The following ASB13 variants were observed in gnomAD, a reference collection of about 807,000 sequenced individuals.
The protein encoded by ASB13 is ankyrin repeat and SOCS box containing 13.
In ASB13, 33 loss-of-function variants were observed where a neutral mutation model predicts 28.8. The ratio of observed to expected loss-of-function variants is 1.15; its 90% CI spans 0.87 to 1.53. The LOEUF (loss-of-function observed/expected upper bound fraction) is 1.53. Among genes scored for constraint, ASB13 ranks in the 40% most tolerant of loss-of-function variants. ASB13 has a pLI of 0.00. For synonymous variants in ASB13, 182 were observed against 172.9 expected, an observed-to-expected ratio of 1.05 and a Z score of -0.41; for missense variants, 414 against 390.1, an observed-to-expected ratio of 1.06 and a Z score of -0.52.
rs564141933 is a variant in ASB13 at position 5,652,566 on chromosome 10, A to T, written c.231+297T>A. On this transcript the variant is annotated intron_variant, in intron 2 of 5. Coordinates refer to ENST00000357700, the MANE Select transcript of ASB13 (RefSeq NM_024701.4). This position sits in a 1 kb window ranked among gnomAD's most constrained non-coding sequence, Gnocchi z 5.0. ...GGGCCCAAGCAGCAGCTCTGCACCC[A>T]GGCCTGGCTGCCCCTGAGAGAGCCT... Among the ~76,000 whole-genome samples the T allele has an allele frequency of 6.6e-6, 1 of 152,270 alleles. No individual in the cohort carries two copies. The highest frequency in any genetic ancestry group is 2.4e-5 in the African/African-American group (1 of 41,538).
In ASB13 at chr10:5,649,011, G is replaced by A. The variant is rs1475210721; in HGVS notation, c.476C>T (p.Ala159Val). The change falls in exon 4 of 6, where the codon GCC (alanine) becomes GTC (valine). Residue 159 changes from alanine to valine, a missense_variant. Physicochemically the swap from Ala to Val is moderately conservative, Grantham distance 64. Coordinates refer to ENST00000357700, the MANE Select transcript of ASB13 (RefSeq NM_024701.4). This position sits in a 1 kb window ranked among gnomAD's most constrained non-coding sequence, Gnocchi z 6.4. ...TTTGACACAGTCCAGATGCTCCCGG[G>A]CACAGGCAACGTGCAGAGGGGTCCC... ...HFGTPLHVAC[A>V]REHLDCVKVL... is the part of the protein sequence containing the mutation. 1.9e-6 allele frequency: 3 copies of A among 1,614,270 alleles called. No individual in the cohort carries two copies. Among genetic ancestry groups the A allele is most frequent in the South Asian group, 1.1e-5 (1 of 91,090 alleles).
At chr10:5,646,257 C>G (rs1834884875) in intron 4 of ASB13, among the ~76,000 whole-genome samples, 1 of 152,216 alleles carries the variant, frequency 6.6e-6, no homozygotes, top group African/African-American at 2.4e-5. Context: ...GGGGCGGGAG[C>G]AGACCTGACT....
At position 5,655,325 on chromosome 10, in the gene ASB13, C is replaced by T. The variant is rs1473109282; in HGVS notation, c.44-2275G>A. 2.0e-5 allele frequency among the ~76,000 whole-genome samples: 3 copies of T among 152,180 alleles called. No individual in the cohort carries two copies. Among genetic ancestry groups the T allele is most frequent in the African/African-American group, 7.2e-5 (3 of 41,434 alleles). ...TTTTATCAGCTTACCCAAAACACAA[C>T]TTCCCTGAGTGTCAGTTTCTTTACC... On this transcript the variant is annotated intron_variant, in intron 1 of 5. Transcript: ENST00000357700. This position sits in a 1 kb window ranked among gnomAD's most constrained non-coding sequence, Gnocchi z 6.2.
chr10:5,642,653 G>GTC lies in ASB13; in HGVS notation c.518-693_518-692insGA. On this transcript the variant is annotated intron_variant, in intron 4 of 5. Transcript: ENST00000357700. This position sits in a 1 kb window ranked among gnomAD's most constrained non-coding sequence, Gnocchi z 4.1. Reference sequence around the variant, plus strand: ...AGTAGCTAAATATGGCTGGTTTTGGGTTTTTTTTTTTGAGACAGAGTCTCA... The same window carrying GTC: ...AGTAGCTAAATATGGCTGGTTTTGGGTCTTTTTTTTTTTGAGACAGAGTCTCA... The GTC allele has an allele frequency of 8.5e-6, 3 of 352,786 alleles. No homozygotes were observed. The highest frequency in any genetic ancestry group is 1.5e-5 in the Non-Finnish European group (3 of 202,946). The allele number at this position is 352,786 out of a possible 1,614,324, so 21.9% of individuals were successfully genotyped here. A position where few individuals can be genotyped will look rare whatever the true frequency, so the allele number is the denominator to read the frequency against.
At position 5,640,239 on chromosome 10, in the gene ASB13, C is replaced by T. The variant is rs982267484; in HGVS notation, c.*464G>A. The T allele has an allele frequency of 3.8e-5, 6 of 157,490 alleles. No homozygotes were observed. The South Asian group carries it at 5.6e-4, about 15-fold the overall frequency. 9.8% of individuals were successfully genotyped at this position (157,490 alleles called of 1,614,324 possible). ...GGGCCCAGCCATTCCCTATGAGCAC[C>T]GAGGGCAGTCCTGGTGCCGACCCGG... is the stretch of plus-strand genomic sequence containing the variant. On this transcript the variant is annotated 3_prime_UTR_variant, in exon 6 of 6. Transcript: ENST00000357700.
In ASB13 at chr10:5,664,664, CTTTA is replaced by C. The variant is rs369393605; in HGVS notation, c.43+1841_43+1844del. Among the ~76,000 whole-genome samples, 1 of 147,618 alleles carries C rather than the reference CTTTA, an allele frequency of 6.8e-6. No homozygotes were observed. The highest frequency in any genetic ancestry group is 1.5e-5 in the Non-Finnish European group (1 of 66,138). ...GACGTCCATAGGGAATGCAGAATTT[CTTTA>C]TTTCTTTATTTATTTATTTTATTTA... On this transcript the variant is annotated intron_variant, in intron 1 of 5. Coordinates refer to ENST00000357700, the MANE Select transcript of ASB13 (RefSeq NM_024701.4). The surrounding 1 kb of genome is among the most constrained non-coding windows in gnomAD (Gnocchi z 4.2).
rs1264924112 is a variant in ASB13 at position 5,639,734 on chromosome 10, T to C, written c.*969A>G. 2.3e-3 allele frequency: 2 copies of C among 860 alleles called. No homozygotes were observed. Among genetic ancestry groups the C allele is most frequent in the East Asian group, 0.042 (1 of 24 alleles). 0.1% of individuals were successfully genotyped at this position (860 alleles called of 1,614,324 possible). A position where few individuals can be genotyped will look rare whatever the true frequency, so the allele number is the denominator to read the frequency against. ...TGGATGTGATAGATGGTCTTACTAA[T>C]TTGATAGCTTCAAGGAGTTAGCAAA... On this transcript the variant is annotated 3_prime_UTR_variant, in exon 6 of 6. Transcript: ENST00000357700.
chr10:5,641,544 G>A lies in ASB13; in HGVS notation c.709+226C>T, dbSNP rs765951733. Among the ~76,000 whole-genome samples the A allele has an allele frequency of 1.3e-5, 2 of 152,182 alleles. No homozygotes were observed. The highest frequency in any genetic ancestry group is 6.5e-5 in the Admixed American group (1 of 15,272). On this transcript the variant is annotated intron_variant, in intron 5 of 5. Coordinates refer to ENST00000357700, the MANE Select transcript of ASB13 (RefSeq NM_024701.4). The surrounding 1 kb of genome is among the most constrained non-coding windows in gnomAD (Gnocchi z 8.4). ...CAGGTCTGGTGCCCGGGCAGGTGTC[G>A]GCCACAGCTTCTGCTGCTCCACGCC...
rs1032121573 is a variant in ASB13 at position 5,656,439 on chromosome 10, G to C, written c.44-3389C>G. On this transcript the variant is annotated intron_variant, in intron 1 of 5. Coordinates refer to ENST00000357700, the MANE Select transcript of ASB13 (RefSeq NM_024701.4). The surrounding 1 kb of genome is among the most constrained non-coding windows in gnomAD (Gnocchi z 4.3). The stretch of plus-strand genomic sequence containing the variant: ...CTGTAATCCCAGCTACTCAGGAGGC[G>C]GAGGCAGCAGAATCGCTTGAACCCA... Among the ~76,000 whole-genome samples the C allele has an allele frequency of 6.6e-6, 1 of 151,948 alleles. No homozygotes were observed. The highest frequency in any genetic ancestry group is 1.5e-5 in the Non-Finnish European group (1 of 67,974).
chr10:5,654,691 A>G (rs1031467460), intron 1 of ASB13, among the ~76,000 whole-genome samples: 1 of 152,246 alleles, frequency 6.6e-6, no homozygotes, highest in Non-Finnish European at 1.5e-5. Context: ...ATCTTCGAGC[A>G]GACAAGATCA....
chr10:5,651,318 A>C lies in ASB13; in HGVS notation c.277T>G (p.Cys93Gly), dbSNP rs762511305. 1.9e-6 allele frequency: 3 copies of C among 1,613,662 alleles called. No individual in the cohort carries two copies. Among genetic ancestry groups the C allele is most frequent in the Non-Finnish European group, 2.5e-6 (3 of 1,179,804 alleles). ...ACACACTCGATGCTGCCCGAGGCGC[A>C]GGCATCGCAGAGCGGGGTGCTGCCG... is the stretch of plus-strand genomic sequence containing the variant. ...IDGSTPLCDA[C>G]ASGSIECVKL... The change falls in exon 3 of 6, where the codon TGC (cysteine) becomes GGC (glycine). Residue 93 changes from cysteine to glycine, a missense_variant. By Grantham distance (159) the Cys-to-Gly change is radical. Coordinates refer to ENST00000357700, the MANE Select transcript of ASB13 (RefSeq NM_024701.4). The surrounding 1 kb of genome is among the most constrained non-coding windows in gnomAD (Gnocchi z 5.1).
intron 4 of ASB13, among the ~76,000 whole-genome samples, chr10:5,646,999 T>C (rs1280348052): frequency 6.6e-6 from 1 of 152,208 alleles, no homozygotes; most frequent in African/African-American, 2.4e-5. Context: ...AAAACGAATC[T>C]TTTCCACTAA....
rs932459174 is a variant in ASB13 at position 5,644,451 on chromosome 10, G to A, written c.518-2490C>T. 3.9e-5 allele frequency among the ~76,000 whole-genome samples: 6 copies of A among 152,048 alleles called. No individual in the cohort carries two copies. Among genetic ancestry groups the A allele is most frequent in the African/African-American group, 1.2e-4 (5 of 41,400 alleles). ...GTTGAGGCTGCAGCAAGCCACGATC[G>A]TACCACTGCACTCCAGCCTGGATGA... On this transcript the variant is annotated intron_variant, in intron 4 of 5. Coordinates refer to ENST00000357700, the MANE Select transcript of ASB13 (RefSeq NM_024701.4). This position sits in a 1 kb window ranked among gnomAD's most constrained non-coding sequence, Gnocchi z 5.1.
chr10:5,662,733 G>C (rs1364193521), intron 1 of ASB13, among the ~76,000 whole-genome samples: 1 of 135,112 alleles, frequency 7.4e-6, no homozygotes, highest in Non-Finnish European at 1.7e-5. Flanking sequence ...GTGACGGTAA[G>C]GGAATAAAAT....
At position 5,652,605 on chromosome 10, in the gene ASB13, G is replaced by A. The variant is rs115736391; in HGVS notation, c.231+258C>T. On this transcript the variant is annotated intron_variant, in intron 2 of 5. Coordinates refer to ENST00000357700, the MANE Select transcript of ASB13 (RefSeq NM_024701.4). The surrounding 1 kb of genome is among the most constrained non-coding windows in gnomAD (Gnocchi z 5.0). ...CTGAGAGAGCCTGTGTCTAGGCTGC[G>A]GCCAGCCTGCTGGCTCCTGCCCACC... Among the ~76,000 whole-genome samples, 1,021 of 152,252 alleles carry A rather than the reference G, an allele frequency of 6.7e-3. 12 individuals are homozygous for A. Among genetic ancestry groups the A allele is most frequent in the African/African-American group, 0.023 (962 of 41,542 alleles).
At chr10:5,648,348 CAACACCCACGGGGGT>C (rs1564216815) in intron 4 of ASB13, among the ~76,000 whole-genome samples, 1 of 92,178 alleles carries the variant, frequency 1.1e-5, no homozygotes, top group African/African-American at 3.4e-5. Context: ...CCCACGTGGG[CAACACCCACGGGGGT>C]AAACACCCAT....
At chr10:5,647,761 C>T (rs959677613) in intron 4 of ASB13, among the ~76,000 whole-genome samples, 1 of 152,148 alleles carries the variant, frequency 6.6e-6, no homozygotes, top group Admixed American at 6.5e-5. Context: ...AACTGAGGCC[C>T]GAGGTCTCAG....
At chr10:5,666,471 C>A (rs56178329) in intron 1 of ASB13, 38 bp downstream of exon 1, 4 of 1,283,592 alleles carry the variant, frequency 3.1e-6, no homozygotes, top group South Asian at 2.2e-5. Context: ...GAGCCGGCGC[C>A]GCTGCCTCGC....
rs1835192160 is a variant in ASB13, at chr10:5,662,603, G to GAAGAA, written c.43+3905_43+3906insTTCTT. 6.8e-5 allele frequency among the ~76,000 whole-genome samples: 9 copies of GAAGAA among 132,474 alleles called. 1 individual carries two copies. Among genetic ancestry groups the GAAGAA allele is most frequent in the Admixed American group, 1.6e-4 (2 of 12,618 alleles). The allele number at this position is 132,474 out of a possible 152,430, so 86.9% of individuals were successfully genotyped here. On this transcript the variant is annotated intron_variant, in intron 1 of 5. Coordinates refer to ENST00000357700, the MANE Select transcript of ASB13 (RefSeq NM_024701.4). ...GAAGAGAAGAGAAGAGAAGAGAAGA[G>GAAGAA]AAGAGAAGAGAAGAGAAGAGAAGAG...
Sources: allele counts gnomAD v4.1 joint callset (sites outside exome capture counted in the v4.1 genomes callset), GRCh38; gene constraint gnomAD v4.1.1; non-coding constraint Gnocchi (gnomAD v3.1); transcripts MANE v1.5; gene names NCBI Gene and HGNC (gene_info 2026-07-23, HGNC 2026-07-21).